Variants in SRI observed in about 807,000 individuals in gnomAD.
SRI encodes the protein 22 kDa protein.
In SRI, 30 loss-of-function variants were observed where a neutral mutation model predicts 33.3. The ratio of observed to expected loss-of-function variants is 0.90; its 90% CI spans 0.67 to 1.22. The LOEUF is 1.22. Ranked by LOEUF, SRI falls within the 50% of genes most tolerant of loss-of-function variation. The pLI is 0.00. For synonymous variants in SRI, 75 were observed against 89.9 expected (o/e 0.83, Z 0.94); for missense variants, 243 against 250.8 (o/e 0.97, Z 0.21).
intron 5 of SRI, 136 bp from the exon 6 acceptor site, chr7:88,209,588 CAG>C (rs75576698): frequency 2.9e-6 from 2 of 690,722 alleles, no homozygotes; most frequent in East Asian, 5.6e-5. Context: ...TCTAAGAAAA[CAG>C]AAACTGCCTT....
At chr7:88,212,274 T>C (rs1294378480) in intron 3 of SRI, among the ~76,000 whole-genome samples, 1 of 152,232 alleles carries the variant, frequency 6.6e-6, no homozygotes, top group Non-Finnish European at 1.5e-5. Context: ...TATTTCTATT[T>C]TGGTCCTTCA....
upstream of SRI, among the ~76,000 whole-genome samples, chr7:88,224,996 A>G (rs1851965009): frequency 6.6e-6 from 1 of 152,226 alleles, no homozygotes; most frequent in Admixed American, 6.5e-5. Context: ...GGACCCTTTC[A>G]TCTGTGTTGG....
At position 88,210,204 on chromosome 7, in the gene SRI, G is replaced by A; in HGVS notation, c.250-74C>T. On this transcript the variant is annotated intron_variant, in intron 4 of 7. Transcript: ENST00000265729. ...GATTAAATGAAAGATCAAGGATAAGGGGAATTCAATATTCAATGGCTAAAA... is the reference window on the plus strand; with the variant it reads ...GATTAAATGAAAGATCAAGGATAAGAGGAATTCAATATTCAATGGCTAAAA... The A allele has an allele frequency of 2.6e-6, 4 of 1,522,178 alleles. No individual in the cohort carries two copies. In the Middle Eastern group the frequency reaches 6.8e-4, roughly 259 times the overall value. The allele number at this position is 1,522,178 out of a possible 1,614,324, so 94.3% of individuals were successfully genotyped here. A position where few individuals can be genotyped will look rare whatever the true frequency, so the allele number is the denominator to read the frequency against.
intron 2 of SRI, 140 bp downstream of exon 2, chr7:88,218,719 A>C (rs1331444097): frequency 1.2e-5 from 9 of 732,008 alleles, no homozygotes; most frequent in Non-Finnish European, 2.1e-5. Context: ...AAAAACTAAA[A>C]TAAGAAACAA....
intron 1 of SRI, 155 bp from the exon 2 acceptor site, chr7:88,219,097 C>T (rs1032364699): frequency 2.9e-6 from 2 of 679,450 alleles, no homozygotes; most frequent in Non-Finnish European, 5.3e-6. Flanking sequence ...CAACACTCCA[C>T]CCCTCTCTTC....
chr7:88,224,192 G>A (rs1306317283), upstream of SRI, among the ~76,000 whole-genome samples: 3 of 152,218 alleles, frequency 2.0e-5, no homozygotes, highest in African/African-American at 7.2e-5. Context: ...TGCTCTCAGA[G>A]AGAATCCCAT....
At chr7:88,222,373 T>G (rs1209330374), upstream of SRI, among the ~76,000 whole-genome samples, 3 of 146,910 alleles carry the variant, frequency 2.0e-5, no homozygotes, top group Non-Finnish European at 4.5e-5. Flanking sequence ...TTTTAATGAT[T>G]GCCATTCTAA....
intron 3 of SRI, among the ~76,000 whole-genome samples, 170 bp from the exon 4 acceptor site, chr7:88,211,095 A>G (rs1016430519): frequency 2.0e-5 from 3 of 152,242 alleles, no homozygotes; most frequent in Admixed American, 6.5e-5. Flanking sequence ...TTTTCTCCAT[A>G]AAGAAGATTT....
intron 4 of SRI, chr7:88,210,505 C>G (rs1166400206): frequency 7.8e-6 from 3 of 384,362 alleles, no homozygotes; most frequent in Non-Finnish European, 1.5e-5. Context: ...TTTAGTGCCC[C>G]CAGACAAATG....
At chr7:88,210,389 T>A in intron 4 of SRI, 1 of 488,362 alleles carries the variant, frequency 2.0e-6, no homozygotes, top group East Asian at 4.1e-5. Flanking sequence ...GAACCACTTA[T>A]AAAAAGCGGT....
intron 5 of SRI, among the ~76,000 whole-genome samples, 179 bp downstream of exon 5, chr7:88,209,804 C>A (rs958052890): frequency 6.6e-6 from 1 of 151,994 alleles, no homozygotes; most frequent in African/African-American, 2.4e-5. Flanking sequence ...TTAGTAGAGT[C>A]GGGGTTTTAC....
At chr7:88,220,398 A>C (rs1477975616), upstream of SRI, among the ~76,000 whole-genome samples, 1 of 150,562 alleles carries the variant, frequency 6.6e-6, no homozygotes, top group Non-Finnish European at 1.5e-5. Context: ...ATTATCTGGC[A>C]CATTTCTTAT....
chr7:88,208,546 A>C lies in SRI; in HGVS notation c.531T>G (p.Asp177Glu). The C allele has an allele frequency of 6.2e-7, 1 of 1,613,930 alleles. No homozygotes were observed. Among genetic ancestry groups the C allele is most frequent in the Non-Finnish European group, 8.5e-7 (1 of 1,179,876 alleles). Residue 177 changes from aspartate (D) to glutamate (E), a missense_variant, in exon 7 of 8, where the codon GAT becomes GAG. Coordinates refer to ENST00000265729, the MANE Select transcript of SRI (RefSeq NM_003130.4). ...AATTCACAACACCTTGCTGAGCAGT[A>C]TCCCGTCTTCGAAAGCTGTCTGTAA... ...RALTDSFRRR[D>E]TAQQGVVNFP...
intron 1 of SRI, chr7:88,219,558 T>G: frequency 1.0e-5 from 2 of 194,924 alleles, no homozygotes; most frequent in Non-Finnish European, 1.0e-5. Flanking sequence ...GTTTGTTTGT[T>G]TGTTTGTTTG....
intron 1 of SRI, among the ~76,000 whole-genome samples, chr7:88,225,861 C>T (rs150917807): frequency 7.6e-4 from 115 of 152,196 alleles, no homozygotes; most frequent in Admixed American, 2.1e-3. Context: ...GATAAGAGTT[C>T]ATTTTAGTGC....
intron 1 of SRI, 54 bp from the exon 2 acceptor site, chr7:88,218,996 T>C: frequency 6.5e-7 from 1 of 1,537,920 alleles, no homozygotes; most frequent in Non-Finnish European, 9.0e-7. Flanking sequence ...TTTTCTTCTT[T>C]CACCACTGAG....
chr7:88,217,575 T>A (rs1285912181), intron 2 of SRI, among the ~76,000 whole-genome samples: 1 of 152,232 alleles, frequency 6.6e-6, no homozygotes, highest in African/African-American at 2.4e-5. Context: ...CTTTTTCTTA[T>A]GATATAGTGA....
intron 7 of SRI, among the ~76,000 whole-genome samples, chr7:88,206,717 CTTAGAGAAAGCAGATA>C (rs1199362022): frequency 6.6e-6 from 1 of 152,004 alleles, no homozygotes; most frequent in Non-Finnish European, 1.5e-5. Flanking sequence ...ATCAAAACTT[CTTAGAGAAAGCAGATA>C]TAACTTCAAT....
chr7:88,206,528 T>A (rs1563470245), intron 7 of SRI, 24 bp from the exon 8 acceptor site: 2 of 1,613,624 alleles, frequency 1.2e-6, no homozygotes, highest in East Asian at 4.5e-5. Flanking sequence ...CAGCATTATA[T>A]GACAGACCTC....
Sources: gnomAD v4.1 joint callset for allele counts (sites outside exome capture counted in the v4.1 genomes callset) on GRCh38, gnomAD v4.1.1 for gene constraint, MANE v1.5 for transcripts, NCBI Gene and HGNC (gene_info 2026-07-23, HGNC 2026-07-21) for gene names.